The following CENPF variants were observed in gnomAD, a reference collection of about 807,000 sequenced individuals.
CENPF encodes the protein AH antigen.
A neutral mutation model predicts 307.3 loss-of-function variants in CENPF; 214 were observed. That is an observed-to-expected ratio of 0.70 (90% CI 0.62 to 0.78). The LOEUF (loss-of-function observed/expected upper bound fraction) is 0.78, where lower values mean the gene tolerates loss of function less well. Among genes scored for constraint, CENPF ranks in the 30% least tolerant of loss-of-function variants. CENPF has a pLI of 0.00. For missense variants in CENPF, 3,401 were observed against 3,483.9 expected (o/e 0.98, Z 0.60); for synonymous variants, 1,259 against 1,270.6 (o/e 0.99, Z 0.19).
At chr1:214,631,154 A>AT (rs1657797578) in intron 9 of CENPF, among the ~76,000 whole-genome samples, 1 of 152,206 alleles carries the variant, frequency 6.6e-6, no homozygotes, top group South Asian at 2.1e-4. Context: ...TCATAGTAAC[A>AT]TGCTAAGAAT....
intron 3 of CENPF, among the ~76,000 whole-genome samples, chr1:214,618,257 T>TGGGA (rs985375654): frequency 3.0e-4 from 46 of 152,160 alleles, no homozygotes; most frequent in African/African-American, 1.0e-3. Context: ...GAGATTTGGG[T>TGGGA]GGGAACACAG....
At chr1:214,620,147 C>T (rs1054530813) in intron 5 of CENPF, among the ~76,000 whole-genome samples, 4 of 152,140 alleles carry the variant, frequency 2.6e-5, no homozygotes, top group South Asian at 2.1e-4. Context: ...CAATGCAAAG[C>T]GGTAGATCAT....
rs1326846048 is a variant in CENPF at position 214,632,585 on chromosome 1, C to T, written c.1429C>T (p.Leu477=). The change falls in exon 10 of 20, where the codon CTG becomes TTG. Residue 477 remains leucine, a synonymous_variant. Coordinates refer to ENST00000366955, the MANE Select transcript of CENPF (RefSeq NM_016343.4). The part of the protein sequence containing the change: ...FQASQIKENE[L]RRSMEEMKKE... ...GGCGAGTCAGATCAAGGAGAATGAG[C>T]TGAGGAGAAGCATGGAGGTAAGGGA... 1 of 1,613,918 alleles carries T rather than the reference C, an allele frequency of 6.2e-7. No homozygotes were observed. Among genetic ancestry groups the T allele is most frequent in the Admixed American group, 1.7e-5 (1 of 59,998 alleles).
Position 214,645,926 on chromosome 1 carries a change from G to T in CENPF, c.6356G>T (p.Arg2119Ile), listed in dbSNP as rs1033607332. 4 of 1,614,028 alleles carry T rather than the reference G, an allele frequency of 2.5e-6. No individual in the cohort carries two copies. The African/African-American group carries it at 5.3e-5, about 22-fold the overall frequency. ...CAGGAGGAAGTGCATCAGCTGAGAA[G>T]AGGCATCGAGAAACTGAGAGTTCGC... ...STQEEVHQLR[R>I]GIEKLRVRIE... Residue 2119 changes from arginine (R) to isoleucine (I), a missense_variant, in exon 13 of 20, where the codon AGA becomes ATA. Transcript: ENST00000366955.
Position 214,632,373 on chromosome 1 carries a change from T to C in CENPF, c.1324-107T>C. The C allele has an allele frequency of 4.9e-6, 6 of 1,225,304 alleles. No homozygotes were observed. The South Asian group carries it at 8.7e-5, about 18-fold the overall frequency. The allele number at this position is 1,225,304 out of a possible 1,614,324, so 75.9% of individuals were successfully genotyped here. A position where few individuals can be genotyped will look rare whatever the true frequency, so the allele number is the denominator to read the frequency against. Reference sequence around the variant, plus strand: ...TATACTGTATCTCAGCCAAAATAGATGGCATCCATTTTGATATTCCATGAC... The same window carrying C: ...TATACTGTATCTCAGCCAAAATAGACGGCATCCATTTTGATATTCCATGAC... On this transcript the variant is annotated intron_variant, in intron 9 of 19. Transcript: ENST00000366955.
chr1:214,615,389 T>G lies in CENPF; in HGVS notation c.359+361T>G, dbSNP rs115295619. ...TACTATCAAATTGATAGTATGATAA[T>G]ACTAGTTACATAGCATTATTTGATA... On this transcript the variant is annotated intron_variant, in intron 3 of 19. Coordinates refer to ENST00000366955, the MANE Select transcript of CENPF (RefSeq NM_016343.4). 2.5e-3 allele frequency among the ~76,000 whole-genome samples: 384 copies of G among 152,306 alleles called. 3 individuals carry two copies. Among genetic ancestry groups the G allele is most frequent in the African/African-American group, 8.9e-3 (368 of 41,580 alleles).
In CENPF at chr1:214,637,888, T is replaced by C. The variant is rs780403417; in HGVS notation, c.1469T>C (p.Leu490Pro). Reference protein sequence around the residue: ...SMEEMKKENNLLKSHSEQKAR... With the variant: ...SMEEMKKENNPLKSHSEQKAR... ...TAGGAAATGAAGAAGGAAAACAACC[T>C]CCTTAAGAGTCACTCTGAGCAAAAG... Residue 490 changes from leucine (L) to proline (P), a missense_variant, in exon 11 of 20, where the codon CTC becomes CCC. Transcript: ENST00000366955. The C allele has an allele frequency of 2.5e-6, 4 of 1,603,586 alleles. No individual in the cohort carries two copies. In the South Asian group the frequency reaches 4.5e-5, roughly 18 times the overall value.
chr1:214,614,188 A>G (rs1657275076), intron 2 of CENPF, among the ~76,000 whole-genome samples: 1 of 149,058 alleles, frequency 6.7e-6, no homozygotes, highest in Admixed American at 6.8e-5. Context: ...TTACCTGCTA[A>G]TATTTAGGGC....
chr1:214,657,078 T>C lies in CENPF; in HGVS notation c.8631T>C (p.Ala2877=). 1 of 1,614,180 alleles carries C rather than the reference T, an allele frequency of 6.2e-7. No homozygotes were observed. Residue 2877 remains alanine (A), a synonymous_variant, in exon 18 of 20, where the codon GCT becomes GCC. Transcript: ENST00000366955. ...LLISHEKLEK[A]KEMLETQVAH... ...TAAGCCATGAAAAGTTAGAGAAAGC[T>C]AAAGAGATGTTAGAGACACAAGTGG...
At chr1:214,619,481 T>G (rs1657448796) in intron 5 of CENPF, among the ~76,000 whole-genome samples, 1 of 152,204 alleles carries the variant, frequency 6.6e-6, no homozygotes, top group Admixed American at 6.5e-5. Flanking sequence ...TATTTCCCTA[T>G]TAAGACCTAG....
chr1:214,610,844 T>C (rs1657177907), intron 1 of CENPF, among the ~76,000 whole-genome samples: 1 of 152,240 alleles, frequency 6.6e-6, no homozygotes, highest in Admixed American at 6.5e-5. Context: ...TTAATCCATC[T>C]TGAATTAATT....
intron 7 of CENPF, among the ~76,000 whole-genome samples, chr1:214,624,597 C>G (rs1657602367): frequency 6.6e-6 from 1 of 152,066 alleles, no homozygotes; most frequent in African/African-American, 2.4e-5. Context: ...ATTCCTTGTT[C>G]ATTTCTGATG....
Position 214,643,267 on chromosome 1 carries a change from C to T in CENPF, c.4929C>T (p.Leu1643=). 1 of 1,563,970 alleles carries T rather than the reference C, an allele frequency of 6.4e-7. No individual in the cohort carries two copies. The highest frequency in any genetic ancestry group is 1.2e-5 in the South Asian group (1 of 81,136). Residue 1643 remains leucine (L), a synonymous_variant, in exon 12 of 20, where the codon CTC becomes CTT. Transcript: ENST00000366955. ...QLSLELEVAR[L]QLQGLDLSSR... The stretch of plus-strand genomic sequence containing the variant: ...CACTTGAGCTGGAAGTAGCACGACT[C>T]CAGCTACAAGGTCTGGACTTAAGTT...
intron 1 of CENPF, among the ~76,000 whole-genome samples, chr1:214,609,357 TA>T (rs1390883055): frequency 3.9e-5 from 6 of 152,184 alleles, no homozygotes; most frequent in Admixed American, 1.3e-4. Flanking sequence ...TAAAAAATGA[TA>T]ACTGCTTGGA....
chr1:214,623,681 A>G (rs6701008), intron 7 of CENPF, among the ~76,000 whole-genome samples: 8,794 of 152,124 alleles, frequency 0.058, 809 homozygotes, highest in African/African-American at 0.2. Context: ...TGTGCCTGCT[A>G]TATATTAGGC....
intron 1 of CENPF, chr1:214,605,845 C>A: frequency 6.3e-7 from 1 of 1,596,312 alleles, no homozygotes; most frequent in Non-Finnish European, 8.5e-7. Flanking sequence ...TCACCTCGTC[C>A]TCCGTGCCGT....
In CENPF at chr1:214,642,268, G is replaced by A; in HGVS notation, c.3930G>A (p.Leu1310=). 1.2e-6 allele frequency: 2 copies of A among 1,613,818 alleles called. No individual in the cohort carries two copies. Among genetic ancestry groups the A allele is most frequent in the Non-Finnish European group, 1.7e-6 (2 of 1,179,912 alleles). ...AGCTAGAGAAAATATGTGAAATACTGCAGGCTGAAAAGTATGAACTCGTAA... is the reference window on the plus strand; with the variant it reads ...AGCTAGAGAAAATATGTGAAATACTACAGGCTGAAAAGTATGAACTCGTAA... ...LNELEKICEI[L]QAEKYELVTE... is the part of the protein sequence containing the mutation. The change falls in exon 12 of 20, where the codon CTG becomes CTA. Residue 1310 remains leucine (L), a synonymous_variant. Coordinates refer to ENST00000366955, the MANE Select transcript of CENPF (RefSeq NM_016343.4).
At position 214,643,303 on chromosome 1, in the gene CENPF, G is replaced by T. The variant is rs781210892; in HGVS notation, c.4965G>T (p.Leu1655Phe). The T allele has an allele frequency of 1.5e-5, 23 of 1,506,876 alleles. No individual in the cohort carries two copies. Among genetic ancestry groups the T allele is most frequent in the Non-Finnish European group, 1.9e-5 (22 of 1,131,272 alleles). 93.3% of individuals were successfully genotyped at this position (1,506,876 alleles called of 1,614,324 possible). A position where few individuals can be genotyped will look rare whatever the true frequency, so the allele number is the denominator to read the frequency against. The change falls in exon 12 of 20, where the codon TTG becomes TTT. Residue 1655 changes from leucine (L) to phenylalanine (F), a missense_variant. Physicochemically the swap from Leu to Phe is conservative, Grantham distance 22 (BLOSUM62 0). Transcript: ENST00000366955. ...GTCTGGACTTAAGTTCTCGGTCTTT[G>T]CTTGGCATCGACACAGAAGATGTAA... is the stretch of plus-strand genomic sequence containing the variant. Reference protein sequence around the residue: ...LQGLDLSSRSLLGIDTEDAIQ... With the variant: ...LQGLDLSSRSFLGIDTEDAIQ...
intron 14 of CENPF, 143 bp downstream of exon 14, chr1:214,648,970 C>A (rs990039601): frequency 2.7e-5 from 22 of 814,704 alleles, no homozygotes; most frequent in Non-Finnish European, 4.2e-5. Context: ...ATGTCATAAT[C>A]TGATTTATAG....
Sources: allele counts gnomAD v4.1 joint callset (sites outside exome capture counted in the v4.1 genomes callset), GRCh38; gene constraint gnomAD v4.1.1; transcripts MANE v1.5; gene names NCBI Gene and HGNC (gene_info 2026-07-23, HGNC 2026-07-21).